Variants in ATG10 observed in about 807,000 individuals in gnomAD.
ATG10 encodes ubiquitin-like-conjugating enzyme ATG10.
A neutral mutation model predicts 32.1 loss-of-function variants in ATG10; 30 were observed. The ratio of observed to expected loss-of-function variants is 0.94; its 90% CI spans 0.70 to 1.27. ATG10 has a LOEUF of 1.27. ATG10 is among the 50% of genes most tolerant of loss of function. The pLI, the probability that ATG10 is intolerant of heterozygous loss-of-function variation, is 0.00. For missense variants in ATG10, 233 were observed against 262.3 expected, an observed-to-expected ratio of 0.89 and a Z score of 0.77; for synonymous variants, 87 against 91.5, an observed-to-expected ratio of 0.95 and a Z score of 0.28.
chr5:82,117,460 A>AT lies in ATG10; in HGVS notation c.217-46932dup, dbSNP rs1448474489. ...CATTTCCTTGTTGTCTGCTTCAGAT[A>AT]TTTTTTTGTTCTCCAACCTTTGATC... On this transcript the variant is annotated intron_variant, in intron 3 of 7. Transcript: ENST00000282185. 4.6e-5 allele frequency among the ~76,000 whole-genome samples: 7 copies of AT among 152,112 alleles called. No individual in the cohort carries two copies. In the East Asian group the frequency reaches 1.4e-3, roughly 29 times the overall value.
intron 3 of ATG10, among the ~76,000 whole-genome samples, chr5:82,087,386 A>T (rs939070727): frequency 6.6e-6 from 1 of 151,996 alleles, no homozygotes; most frequent in Non-Finnish European, 1.5e-5. Flanking sequence ...GGCTTAGGGG[A>T]ATTATTATTA....
chr5:82,203,782 G>A (rs961669920), intron 5 of ATG10, among the ~76,000 whole-genome samples: 6 of 152,140 alleles, frequency 3.9e-5, no homozygotes, highest in African/African-American at 1.4e-4. Flanking sequence ...TTAAGGAAAT[G>A]ATGTGACTCT....
chr5:82,013,739 A>T (rs984088098), intron 2 of ATG10, among the ~76,000 whole-genome samples: 1 of 151,856 alleles, frequency 6.6e-6, no homozygotes, highest in African/African-American at 2.4e-5. Context: ...TTTGATTTAC[A>T]TTTCCCTGAT....
intron 3 of ATG10, among the ~76,000 whole-genome samples, chr5:82,077,680 G>A (rs912190298): frequency 6.6e-6 from 1 of 152,120 alleles, no homozygotes; most frequent in South Asian, 2.1e-4. Context: ...CTGAAAGCGC[G>A]GTAGTGCAGA....
In ATG10 at chr5:82,243,443, T is replaced by TTAAATA. The variant is rs891330741; in HGVS notation, c.454-9115_454-9110dup. Among the ~76,000 whole-genome samples, 38 of 152,188 alleles carry TTAAATA rather than the reference T, an allele frequency of 2.5e-4. 1 individual carries two copies. Among genetic ancestry groups the TTAAATA allele is most frequent in the Admixed American group, 1.5e-3 (23 of 15,260 alleles). ...CTATGTTCTTTTTATAGAAAATATC[T>TTAAATA]TAAATATAAGGATGCAGAAAGCAAG... On this transcript the variant is annotated intron_variant, in intron 5 of 7. Transcript: ENST00000282185.
chr5:82,166,331 C>T lies in ATG10; in HGVS notation c.355+1794C>T, dbSNP rs1217729845. ...TTTGTTTTTATGTAGAAGCATTCGC[C>T]CCCCACCACCACTGCTTTGTGTTGT... On this transcript the variant is annotated intron_variant, in intron 4 of 7. Transcript: ENST00000282185. Among the ~76,000 whole-genome samples, 7 of 152,224 alleles carry T rather than the reference C, an allele frequency of 4.6e-5. No homozygotes were observed. In the East Asian group the frequency reaches 1.4e-3, roughly 29 times the overall value.
intron 5 of ATG10, among the ~76,000 whole-genome samples, chr5:82,196,296 T>C (rs1744848901): frequency 6.6e-6 from 1 of 152,182 alleles, no homozygotes; most frequent in Non-Finnish European, 1.5e-5. Flanking sequence ...CCTTATTGAC[T>C]ATATGATTTG....
chr5:82,050,227 T>A (rs1031030383), intron 2 of ATG10, among the ~76,000 whole-genome samples: 1 of 152,088 alleles, frequency 6.6e-6, no homozygotes, highest in Admixed American at 6.5e-5. Context: ...TGGATGATTT[T>A]AATTTGCTTA....
chr5:82,042,300 T>C (rs898018166), intron 2 of ATG10, among the ~76,000 whole-genome samples: 3 of 152,066 alleles, frequency 2.0e-5, no homozygotes, highest in Admixed American at 1.3e-4. Flanking sequence ...TTTTAAACCA[T>C]CAGATTTTGT....
At chr5:82,048,284 A>G (rs1489151560) in intron 2 of ATG10, among the ~76,000 whole-genome samples, 1 of 142,220 alleles carries the variant, frequency 7.0e-6, no homozygotes, top group Non-Finnish European at 1.5e-5. Flanking sequence ...TGGGGATGGT[A>G]TTGAATCTGT....
chr5:82,121,609 G>C (rs920636926), intron 3 of ATG10, among the ~76,000 whole-genome samples: 2 of 152,114 alleles, frequency 1.3e-5, no homozygotes, highest in Admixed American at 6.5e-5. Flanking sequence ...GTCAGAGATG[G>C]CCCTTATTAA....
intron 5 of ATG10, among the ~76,000 whole-genome samples, chr5:82,222,725 G>T (rs1027628764): frequency 6.6e-6 from 1 of 152,204 alleles, no homozygotes; most frequent in Admixed American, 6.5e-5. Flanking sequence ...CTACCACGTG[G>T]AGATTGCCCC....
chr5:82,147,242 C>A, intron 3 of ATG10: 1 of 237,156 alleles, frequency 4.2e-6, no homozygotes, highest in Non-Finnish European at 8.7e-6. Flanking sequence ...GATCTCAGCT[C>A]ACTGCAACCT....
intron 3 of ATG10, among the ~76,000 whole-genome samples, chr5:82,163,505 T>G (rs1473287268): frequency 6.6e-6 from 1 of 152,190 alleles, no homozygotes; most frequent in Non-Finnish European, 1.5e-5. Context: ...GATTGTTCAT[T>G]GTTGTTACTG....
At chr5:82,085,353 A>C (rs1399581711) in intron 3 of ATG10, among the ~76,000 whole-genome samples, 1 of 152,078 alleles carries the variant, frequency 6.6e-6, no homozygotes, top group Non-Finnish European at 1.5e-5. Context: ...AGACCTACAA[A>C]GAGACTTAGA....
intron 3 of ATG10, chr5:82,148,006 A>G (rs1767436128): frequency 6.6e-6 from 1 of 152,204 alleles, no homozygotes; most frequent in Non-Finnish European, 1.5e-5. Flanking sequence ...TTGTAGCAGG[A>G]TTGGTCTGTA....
chr5:82,196,200 A>G (rs1014957722), intron 5 of ATG10, among the ~76,000 whole-genome samples: 1 of 152,158 alleles, frequency 6.6e-6, no homozygotes, highest in Non-Finnish European at 1.5e-5. Context: ...GGAGAAATGT[A>G]TACTCAAATC....
At chr5:82,195,761 C>T (rs1744829686) in intron 5 of ATG10, among the ~76,000 whole-genome samples, 1 of 152,108 alleles carries the variant, frequency 6.6e-6, no homozygotes, top group Non-Finnish European at 1.5e-5. Context: ...AGATATATGA[C>T]ATTTTGTTTA....
chr5:82,003,208 A>G (rs1761897493), intron 2 of ATG10, among the ~76,000 whole-genome samples: 1 of 152,244 alleles, frequency 6.6e-6, no homozygotes, highest in Admixed American at 6.5e-5. Flanking sequence ...AGTGATTAGT[A>G]GAAAATCAAA....
Sources: gnomAD v4.1 joint callset for allele counts (sites outside exome capture counted in the v4.1 genomes callset) on GRCh38, gnomAD v4.1.1 for gene constraint, MANE v1.5 for transcripts, NCBI Gene and HGNC (gene_info 2026-07-23, HGNC 2026-07-21) for gene names.